Variants in BYSL observed in about 807,000 individuals in gnomAD.
The protein encoded by BYSL is bystin.
In BYSL, 21 loss-of-function variants were observed where a neutral mutation model predicts 45.4. The observed-to-expected ratio is 0.46, with a 90% CI of 0.33 to 0.67. BYSL has a LOEUF of 0.67. Ranked by LOEUF, BYSL falls within the 30% of genes least tolerant of loss-of-function variation. The probability of loss-of-function intolerance (pLI) is 0.02; values close to 1 mark genes in which losing one functional copy is unlikely to be tolerated. For synonymous variants in BYSL, 215 were observed against 231.3 expected (o/e 0.93, Z 0.64); for missense variants, 522 against 578.5 (o/e 0.90, Z 1.00).
chr6:41,931,661 A>C (rs760921291), intron 5 of BYSL, 67 bp from the exon 6 acceptor site: 1 of 1,606,196 alleles, frequency 6.2e-7, no homozygotes, highest in South Asian at 1.1e-5. Context: ...CTGGGTGGGA[A>C]TGCTTCCTGC....
At chr6:41,928,260 G>GAC (rs1192672067) in intron 2 of BYSL, among the ~76,000 whole-genome samples, 1 of 152,152 alleles carries the variant, frequency 6.6e-6, no homozygotes, top group Non-Finnish European at 1.5e-5. Context: ...AGTTCATTCT[G>GAC]ACCCTGTGAT....
chr6:41,918,497 T>TC (rs1475135663), upstream of BYSL, among the ~76,000 whole-genome samples: 3 of 142,098 alleles, frequency 2.1e-5, no homozygotes, highest in Non-Finnish European at 3.0e-5. Flanking sequence ...AGAGCGAAAC[T>TC]CCATCTCAAA....
chr6:41,927,641 GT>G (rs1259539038), intron 2 of BYSL, 105 bp downstream of exon 2: 2 of 1,423,298 alleles, frequency 1.4e-6, no homozygotes, highest in Non-Finnish European at 1.9e-6. Flanking sequence ...GGGCCCTGGA[GT>G]TGCTAGCTGT....
intron 1 of BYSL, among the ~76,000 whole-genome samples, chr6:41,925,066 A>G (rs891485978): frequency 1.3e-5 from 2 of 152,110 alleles, no homozygotes; most frequent in Non-Finnish European, 1.5e-5. Flanking sequence ...AGTTTAGTTG[A>G]TAACGGGTGA....
upstream of BYSL, among the ~76,000 whole-genome samples, chr6:41,918,381 G>A (rs1381250958): frequency 6.6e-6 from 1 of 152,098 alleles, no homozygotes; most frequent in Non-Finnish European, 1.5e-5. Context: ...GTGTGCGCCT[G>A]TAATCCCAGC....
chr6:41,910,304 T>C, the BYSL span, among the ~76,000 whole-genome samples: 2 of 152,072 alleles, frequency 1.3e-5, no homozygotes, highest in African/African-American at 4.8e-5. Flanking sequence ...GCAATAAAAA[T>C]GGAAAGCTAT....
intron 4 of BYSL, 91 bp downstream of exon 4, chr6:41,930,859 A>G (rs1775628965): frequency 1.4e-6 from 2 of 1,479,392 alleles, no homozygotes; most frequent in African/African-American, 1.4e-5. Context: ...GCCCCAGGGC[A>G]TTTGAGCTTT....
intron 1 of BYSL, 113 bp downstream of exon 1, chr6:41,921,943 T>G: frequency 7.1e-7 from 1 of 1,400,696 alleles, no homozygotes; most frequent in Non-Finnish European, 9.4e-7. Context: ...GGGTCCGTAT[T>G]ACACTTGCAA....
intron 6 of BYSL, 145 bp downstream of exon 6, chr6:41,931,975 T>C: frequency 1.3e-6 from 1 of 772,768 alleles, no homozygotes; most frequent in South Asian, 1.6e-5. Context: ...GGTGTATCAT[T>C]ATCCCCCTCA....
chr6:41,911,144 A>C, the BYSL span, among the ~76,000 whole-genome samples: 10 of 150,900 alleles, frequency 6.6e-5, no homozygotes, highest in East Asian at 2.0e-3. Flanking sequence ...TGAGAGAGAT[A>C]GGCTAAAAAC....
chr6:41,911,599 C>T, the BYSL span, among the ~76,000 whole-genome samples: 1 of 152,102 alleles, frequency 6.6e-6, no homozygotes, highest in Non-Finnish European at 1.5e-5. Flanking sequence ...AGGATTTGAA[C>T]TGCAATATGA....
chr6:41,932,333 A>T lies in BYSL; in HGVS notation c.969-28A>T. 1 of 1,587,380 alleles carries T rather than the reference A, an allele frequency of 6.3e-7. No individual in the cohort carries two copies. The highest frequency in any genetic ancestry group is 8.6e-7 in the Non-Finnish European group (1 of 1,166,470). Reference sequence around the variant, plus strand: ...CCTTCTTCCAATGTTTTCCCTGCTTACTCTACCCCACCTCCCTTTCCCACT... The same window carrying T: ...CCTTCTTCCAATGTTTTCCCTGCTTTCTCTACCCCACCTCCCTTTCCCACT... On this transcript the variant is annotated intron_variant, in intron 6 of 6. Coordinates refer to ENST00000230340, the MANE Select transcript of BYSL (RefSeq NM_004053.4). The surrounding 1 kb of genome is among the most constrained non-coding windows in gnomAD (Gnocchi z 4.7).
chr6:41,930,761 G>A lies in BYSL; in HGVS notation c.697G>A (p.Ala233Thr). The A allele has an allele frequency of 6.2e-7, 1 of 1,612,616 alleles. No individual in the cohort carries two copies. Among genetic ancestry groups the A allele is most frequent in the African/African-American group, 1.3e-5 (1 of 74,970 alleles). The change falls in exon 4 of 7, where the codon GCC becomes ACC. Residue 233 changes from alanine (A) to threonine (T), a missense_variant. Coordinates refer to ENST00000230340, the MANE Select transcript of BYSL (RefSeq NM_004053.4). ...EAWTAAAMYQ[A>T]TRIFASNLKE... is the part of the protein sequence containing the mutation. ...CTGGACTGCAGCTGCCATGTACCAGGCCACCAGGTAGAGTAGCTGGGGGTT... is the reference window on the plus strand; with the variant it reads ...CTGGACTGCAGCTGCCATGTACCAGACCACCAGGTAGAGTAGCTGGGGGTT...
upstream of BYSL, among the ~76,000 whole-genome samples, chr6:41,918,537 G>C (rs1219392925): frequency 6.6e-6 from 1 of 151,648 alleles, no homozygotes; most frequent in African/African-American, 2.4e-5. Flanking sequence ...AACTTGGCCA[G>C]GCACGGTGGC....
chr6:41,929,903 C>T (rs1775613359), intron 2 of BYSL, among the ~76,000 whole-genome samples: 1 of 152,252 alleles, frequency 6.6e-6, no homozygotes, highest in Admixed American at 6.5e-5. Context: ...CTCCGTACAA[C>T]TGCTAGCTTT....
chr6:41,930,596 T>C (rs745428894), intron 3 of BYSL, 39 bp from the exon 4 acceptor site: 9 of 1,580,714 alleles, frequency 5.7e-6, no homozygotes, highest in African/African-American at 1.4e-5. Context: ...GCTTGCCATA[T>C]GTGGATGACG....
chr6:41,930,503 A>G, intron 3 of BYSL, 132 bp from the exon 4 acceptor site: 2 of 1,312,192 alleles, frequency 1.5e-6, no homozygotes, highest in Non-Finnish European at 2.1e-6. Flanking sequence ...GAGCATAATA[A>G]TGGCACCTCC....
In BYSL at chr6:41,932,271, A is replaced by C; in HGVS notation, c.969-90A>C. ...ATAGTGTAAGGGCCAGCAGAGGGGA[A>C]GAAAAAAAGGGGAAAGCATAGAGGG... On this transcript the variant is annotated intron_variant, in intron 6 of 6. Transcript: ENST00000230340. The surrounding 1 kb of genome is among the most constrained non-coding windows in gnomAD (Gnocchi z 4.7). 1 of 1,289,044 alleles carries C rather than the reference A, an allele frequency of 7.8e-7. No homozygotes were observed. Among genetic ancestry groups the C allele is most frequent in the Non-Finnish European group, 1.1e-6 (1 of 920,502 alleles). 79.9% of individuals were successfully genotyped at this position (1,289,044 alleles called of 1,614,324 possible).
chr6:41,923,747 C>G (rs61027584), intron 1 of BYSL, among the ~76,000 whole-genome samples: 4,354 of 152,184 alleles, frequency 0.029, 102 homozygotes, highest in East Asian at 0.063. Flanking sequence ...GTCTCATACT[C>G]TCTACAAAGT....
Sources: allele counts gnomAD v4.1 joint callset (sites outside exome capture counted in the v4.1 genomes callset), GRCh38; gene constraint gnomAD v4.1.1; non-coding constraint Gnocchi (gnomAD v3.1); transcripts MANE v1.5; gene names NCBI Gene and HGNC (gene_info 2026-07-23, HGNC 2026-07-21).